MYO19: variants seen among roughly 807,000 people sequenced by gnomAD.
MYO19 encodes the protein unconventional myosin-XIX.
A neutral mutation model predicts 129.2 loss-of-function variants in MYO19; 132 were observed. That is an observed-to-expected ratio of 1.02 (90% CI 0.89 to 1.18). MYO19 has a LOEUF of 1.18. MYO19 is among the 50% of genes most tolerant of loss of function. The pLI, the probability that MYO19 is intolerant of heterozygous loss-of-function variation, is 0.00. For missense variants in MYO19, 1,210 were observed against 1,216.7 expected (o/e 0.99, Z 0.08); for synonymous variants, 531 against 477.2 (o/e 1.11, Z -1.47).
chr17:36,499,433 C>G (rs944238631), intron 23 of MYO19: 2 of 299,606 alleles, frequency 6.7e-6, no homozygotes, highest in African/African-American at 2.1e-5. Flanking sequence ...GCAATCACTT[C>G]CCGTCTCAGG....
rs754349654 is a variant in MYO19 at position 36,499,070 on chromosome 17, C to T, written c.2463+5G>A. 4 of 1,603,960 alleles carry T rather than the reference C, an allele frequency of 2.5e-6. No individual in the cohort carries two copies. Among genetic ancestry groups the T allele is most frequent in the Non-Finnish European group, 3.4e-6 (4 of 1,174,508 alleles). ...GCCCACCCCGACTTCTTGGGTCTTACTTACTCTCCACTTCTGCCATGCACG... is the reference window on the plus strand; with the variant it reads ...GCCCACCCCGACTTCTTGGGTCTTATTTACTCTCCACTTCTGCCATGCACG... On this transcript the variant is annotated splice_donor_5th_base_variant and intron_variant, in intron 24 of 25. Coordinates refer to ENST00000614623, the MANE Select transcript of MYO19 (RefSeq NM_001163735.2).
chr17:36,542,412 G>T (rs1013326570), intron 1 of MYO19, among the ~76,000 whole-genome samples: 1 of 152,020 alleles, frequency 6.6e-6, no homozygotes, highest in Non-Finnish European at 1.5e-5. Flanking sequence ...AAGTCTAAAA[G>T]GTTTAGGCTG....
At chr17:36,544,629 C>T (rs1038696044), upstream of MYO19, among the ~76,000 whole-genome samples, 15 of 152,230 alleles carry the variant, frequency 9.9e-5, no homozygotes, top group African/African-American at 3.4e-4. Context: ...CGTCGAGGGG[C>T]TTGCCCCTCG....
chr17:36,535,088 G>A (rs2142574368), upstream of MYO19: 1 of 152,374 alleles, frequency 6.6e-6, no homozygotes, highest in South Asian at 2.1e-4. Context: ...GTAAAATGAG[G>A]GTAAAGCGGC....
At chr17:36,518,356 G>T (rs929149692) in intron 6 of MYO19, among the ~76,000 whole-genome samples, 16 of 150,574 alleles carry the variant, frequency 1.1e-4, no homozygotes, top group Admixed American at 9.9e-4. Context: ...TTAGCCAGGT[G>T]TGGTGGCATG....
At chr17:36,505,242 G>T in intron 19 of MYO19, 55 bp downstream of exon 19, 1 of 1,470,918 alleles carries the variant, frequency 6.8e-7, no homozygotes, top group Non-Finnish European at 9.5e-7. Flanking sequence ...CATCTCTCCA[G>T]GGCCTTGGCC....
chr17:36,497,845 A>G (rs2142663518), intron 25 of MYO19: 1 of 165,334 alleles, frequency 6.0e-6, no homozygotes, highest in African/African-American at 2.4e-5. Flanking sequence ...TCGACTTCCC[A>G]AAGTACTGGG....
At chr17:36,512,814 C>G (rs1462099169) in intron 11 of MYO19, 1 of 1,272,864 alleles carries the variant, frequency 7.9e-7, no homozygotes, top group Non-Finnish European at 1.0e-6. Context: ...AGGTAGTCAG[C>G]TCTGTCAGCA....
At chr17:36,513,597 C>A in intron 10 of MYO19, 32 bp downstream of exon 10, 1 of 1,613,754 alleles carries the variant, frequency 6.2e-7, no homozygotes, top group Non-Finnish European at 8.5e-7. Context: ...GATGCTGGGT[C>A]AGCGCAAGGT....
At chr17:36,515,235 T>A (rs985233053) in intron 7 of MYO19, 53 bp from the exon 8 acceptor site, 5 of 1,533,904 alleles carry the variant, frequency 3.3e-6, no homozygotes, top group Non-Finnish European at 2.7e-6. Flanking sequence ...AGAGTCCTCA[T>A]AAGCCAAGGT....
At chr17:36,511,507 T>C (rs2072324541) in intron 11 of MYO19, 52 bp from the exon 12 acceptor site, 1 of 1,509,178 alleles carries the variant, frequency 6.6e-7, no homozygotes, top group African/African-American at 1.4e-5. Flanking sequence ...GACGTGGGCC[T>C]ACTCTGGGAA....
chr17:36,513,277 A>T, intron 11 of MYO19, 152 bp downstream of exon 11: 1 of 1,513,412 alleles, frequency 6.6e-7, no homozygotes, highest in Non-Finnish European at 8.8e-7. Flanking sequence ...GACTCAGCAG[A>T]ACAGAGGTGA....
At chr17:36,523,176 C>G (rs569359651) in intron 6 of MYO19, among the ~76,000 whole-genome samples, 1,507 of 126,256 alleles carry the variant, frequency 0.012, 20 homozygotes, top group African/African-American at 0.045. Flanking sequence ...AACAGAAACC[C>G]TGTCTCAAAA....
chr17:36,523,182 CAA>C (rs34403651), intron 6 of MYO19, among the ~76,000 whole-genome samples: 15,075 of 103,604 alleles, frequency 0.15, 1,162 homozygotes, highest in African/African-American at 0.29. Context: ...AACCCTGTCT[CAA>C]AAAAAAAAAA....
upstream of MYO19, chr17:36,537,155 C>T (rs529378174): frequency 7.4e-6 from 12 of 1,613,088 alleles, no homozygotes; most frequent in Admixed American, 3.3e-5. Context: ...ATGGAACCAC[C>T]GTGCTGGAAA....
At chr17:36,519,461 C>T (rs74876899) in intron 6 of MYO19, among the ~76,000 whole-genome samples, 10,379 of 152,038 alleles carry the variant, frequency 0.068, 594 homozygotes, top group African/African-American at 0.15. Flanking sequence ...TTATATTTAT[C>T]GTAATTGTCA....
intron 16 of MYO19, 110 bp downstream of exon 16, chr17:36,507,289 T>C (rs1268922039): frequency 7.1e-7 from 1 of 1,417,644 alleles, no homozygotes; most frequent in Non-Finnish European, 9.8e-7. Context: ...AGCAGATCTA[T>C]TTGGCAGACT....
upstream of MYO19, chr17:36,537,644 T>G: frequency 6.2e-7 from 1 of 1,614,172 alleles, no homozygotes; most frequent in Non-Finnish European, 8.5e-7. Context: ...CTGCAATGGT[T>G]TGTCTAGAGG....
chr17:36,518,799 C>G, intron 6 of MYO19, among the ~76,000 whole-genome samples: 1 of 151,208 alleles, frequency 6.6e-6, no homozygotes, highest in South Asian at 2.1e-4. Context: ...GATAGATAGA[C>G]AGATAGATAG....
Sources: allele counts gnomAD v4.1 joint callset (sites outside exome capture counted in the v4.1 genomes callset), GRCh38; gene constraint gnomAD v4.1.1; transcripts MANE v1.5; gene names NCBI Gene and HGNC (gene_info 2026-07-23, HGNC 2026-07-21).